The following TENM3 variants were observed in gnomAD, a reference collection of about 807,000 sequenced individuals.
The protein encoded by TENM3 is teneurin-3.
TENM3 carries 63 observed loss-of-function variants against 255.1 expected under a neutral mutation model. The observed-to-expected ratio is 0.25, with a 90% CI of 0.20 to 0.30. The LOEUF is 0.30. Among genes scored for constraint, TENM3 ranks in the 10% least tolerant of loss-of-function variants. TENM3 has a pLI of 1.00. For synonymous variants in TENM3, 1,306 were observed against 1,322.3 expected (o/e 0.99, Z 0.27); for missense variants, 2,929 against 3,461.1 (o/e 0.85, Z 3.86).
the TENM3 span, among the ~76,000 whole-genome samples, chr4:181,823,748 G>T: frequency 6.6e-6 from 1 of 152,216 alleles, no homozygotes; most frequent in Non-Finnish European, 1.5e-5. Flanking sequence ...TGAAAATCTG[G>T]AAATGTAACA....
intron 1 of TENM3, among the ~76,000 whole-genome samples, chr4:182,208,533 C>G (rs1754739980): frequency 6.6e-6 from 1 of 152,128 alleles, no homozygotes; most frequent in Non-Finnish European, 1.5e-5. Flanking sequence ...AAAGGGTATA[C>G]TTTTTAAATG....
chr4:181,512,325 T>G, the TENM3 span, among the ~76,000 whole-genome samples: 1 of 152,172 alleles, frequency 6.6e-6, no homozygotes, highest in Non-Finnish European at 1.5e-5. Flanking sequence ...GTCTACACAA[T>G]TTTTCTCTAT....
chr4:182,621,741 TATAATATATTATAATATATA>T (rs1750247470), intron 4 of TENM3, among the ~76,000 whole-genome samples: 6 of 35,338 alleles, frequency 1.7e-4, no homozygotes, highest in Non-Finnish European at 3.2e-4. Flanking sequence ...ATATATAATA[TATAATATATTATAATATATA>T]ATAATTATAT....
rs1561154187 is a variant in TENM3, at chr4:182,161,890, T to TGTGTATATATGTGTATATATATACACAC, written c.-76+17136_-76+17137insGTGTATATATGTGTATATATATACACAC. On this transcript the variant is annotated intron_variant, in intron 1 of 2. Transcript: ENST00000512480. ...ATATATGTGTATATATATACACACA[T>TGTGTATATATGTGTATATATATACACAC]ATATGTGTATATATACACACACATG... Among the ~76,000 whole-genome samples the TGTGTATATATGTGTATATATATACACAC allele has an allele frequency of 1.7e-4, 7 of 40,624 alleles. 2 individuals are homozygous for TGTGTATATATGTGTATATATATACACAC. Among genetic ancestry groups the TGTGTATATATGTGTATATATATACACAC allele is most frequent in the Admixed American group, 8.3e-4 (2 of 2,406 alleles). The allele number at this position is 40,624 out of a possible 152,430, so 26.7% of individuals were successfully genotyped here.
the TENM3 span, among the ~76,000 whole-genome samples, chr4:181,791,203 G>A: frequency 1.3e-5 from 2 of 152,136 alleles, no homozygotes; most frequent in Admixed American, 1.3e-4. Flanking sequence ...GGAGAAACAC[G>A]GGCCGTGCAG....
chr4:182,126,635 C>A, the TENM3 span, among the ~76,000 whole-genome samples: 2 of 152,184 alleles, frequency 1.3e-5, no homozygotes, highest in African/African-American at 4.8e-5. Context: ...GCCAGACTTG[C>A]CTGATCCTGC....
chr4:181,538,356 T>G, the TENM3 span, among the ~76,000 whole-genome samples: 9 of 152,110 alleles, frequency 5.9e-5, no homozygotes, highest in Admixed American at 2.0e-4. Context: ...TAGTCAAAAA[T>G]GTCTTTATTA....
chr4:182,455,869 G>A (rs941297666), intron 3 of TENM3, among the ~76,000 whole-genome samples: 11 of 152,068 alleles, frequency 7.2e-5, no homozygotes, highest in African/African-American at 2.7e-4. Context: ...GCCTTGCACA[G>A]CATTTCTTGT....
intron 4 of TENM3, among the ~76,000 whole-genome samples, chr4:182,603,597 G>A (rs999976262): frequency 6.6e-6 from 1 of 151,976 alleles, no homozygotes; most frequent in Non-Finnish European, 1.5e-5. Flanking sequence ...AACTCTGGAG[G>A]TGAAGAACCA....
At chr4:182,035,832 T>A in the TENM3 span, among the ~76,000 whole-genome samples, 1 of 152,286 alleles carries the variant, frequency 6.6e-6, no homozygotes, top group South Asian at 2.1e-4. Flanking sequence ...GTTCTCAGGA[T>A]GAAAATCAAA....
chr4:181,994,518 T>C, the TENM3 span, among the ~76,000 whole-genome samples: 5 of 151,472 alleles, frequency 3.3e-5, no homozygotes, highest in African/African-American at 1.2e-4. Flanking sequence ...TTTTACTTTG[T>C]CTTTTGTTGT....
At chr4:182,621,695 T>TTATAATATAATATGTATTA (rs1750206670) in intron 4 of TENM3, among the ~76,000 whole-genome samples, 1 of 5,366 alleles carries the variant, frequency 1.9e-4, no homozygotes, top group Non-Finnish European at 5.4e-4. Context: ...ATAATATATA[T>TTATAATATAATATGTATTA]TATATATAAA....
the TENM3 span, among the ~76,000 whole-genome samples, chr4:181,660,965 A>G: frequency 6.6e-6 from 1 of 152,204 alleles, no homozygotes; most frequent in African/African-American, 2.4e-5. Context: ...ACATCAATCC[A>G]CAATGCAACA....
chr4:181,845,194 CTA>C, the TENM3 span, among the ~76,000 whole-genome samples: 1 of 151,994 alleles, frequency 6.6e-6, no homozygotes, highest in Non-Finnish European at 1.5e-5. Flanking sequence ...AAACTTGAGA[CTA>C]TGTTTTAGTA....
At chr4:182,686,720 C>A (rs562792119) in intron 11 of TENM3, among the ~76,000 whole-genome samples, 1 of 152,176 alleles carries the variant, frequency 6.6e-6, no homozygotes, top group Admixed American at 6.5e-5. Flanking sequence ...TTAATAAGTT[C>A]ATTACAAAGA....
the TENM3 span, among the ~76,000 whole-genome samples, chr4:181,883,992 G>A: frequency 9.2e-5 from 14 of 152,164 alleles, no homozygotes; most frequent in South Asian, 6.2e-4. Flanking sequence ...CTGGTCCCTC[G>A]GGGAAGTAAC....
the TENM3 span, among the ~76,000 whole-genome samples, chr4:181,970,865 C>T: frequency 6.6e-6 from 1 of 152,220 alleles, no homozygotes; most frequent in Non-Finnish European, 1.5e-5. Flanking sequence ...GCTGCAAATA[C>T]ATGTCCTACA....
intron 1 of TENM3, among the ~76,000 whole-genome samples, chr4:182,245,310 T>A (rs1262617354): frequency 6.6e-6 from 1 of 152,166 alleles, no homozygotes; most frequent in Non-Finnish European, 1.5e-5. Context: ...TGATGTAGCA[T>A]CCTCCGGCAT....
chr4:182,697,949 A>G (rs1176435868), intron 12 of TENM3: 2 of 152,196 alleles, frequency 1.3e-5, no homozygotes, highest in Non-Finnish European at 2.9e-5. Context: ...GTTGTAATCT[A>G]TGTTGATGTT....
Sources: gnomAD v4.1 joint callset for allele counts (sites outside exome capture counted in the v4.1 genomes callset) on GRCh38, gnomAD v4.1.1 for gene constraint, MANE v1.5 for transcripts, NCBI Gene and HGNC (gene_info 2026-07-23, HGNC 2026-07-21) for gene names.